Variants in PLCB1 observed in about 807,000 individuals in gnomAD.
PLCB1 encodes 1-phosphatidylinositol 4,5-bisphosphate phosphodiesterase beta-1.
PLCB1 carries 46 observed loss-of-function variants against 161.8 expected under a neutral mutation model. The observed-to-expected ratio is 0.28, with a 90% CI of 0.22 to 0.36. PLCB1 has a LOEUF of 0.36. Ranked by LOEUF, PLCB1 falls within the 10% of genes least tolerant of loss-of-function variation. The pLI, the probability that PLCB1 is intolerant of heterozygous loss-of-function variation, is 1.00. For synonymous variants in PLCB1, 517 were observed against 503.7 expected, an observed-to-expected ratio of 1.03 and a Z score of -0.35; for missense variants, 1,016 against 1,472.5, an observed-to-expected ratio of 0.69 and a Z score of 5.07.
At chr20:8,809,128 C>T (rs1300829191) in intron 31 of PLCB1, among the ~76,000 whole-genome samples, 2 of 151,996 alleles carry the variant, frequency 1.3e-5, no homozygotes, top group East Asian at 1.9e-4. Flanking sequence ...CAGCTTCCCA[C>T]GTAGCTGAGA....
At chr20:8,706,077 G>C (rs1166280114) in intron 11 of PLCB1, among the ~76,000 whole-genome samples, 1 of 152,198 alleles carries the variant, frequency 6.6e-6, no homozygotes, top group African/African-American at 2.4e-5. Context: ...CAACCACAAC[G>C]GTTTACTTCT....
chr20:8,411,762 T>G (rs1979053594), intron 3 of PLCB1, among the ~76,000 whole-genome samples: 1 of 152,108 alleles, frequency 6.6e-6, no homozygotes. Flanking sequence ...GGTGGCTCAC[T>G]CCTGAAGTCC....
chr20:8,200,955 C>T (rs1169109751), intron 2 of PLCB1, among the ~76,000 whole-genome samples: 1 of 151,930 alleles, frequency 6.6e-6, no homozygotes, highest in African/African-American at 2.4e-5. Context: ...TATACATAGG[C>T]TAAGTTTTGT....
At chr20:8,736,000 C>T (rs757265085) in intron 19 of PLCB1, among the ~76,000 whole-genome samples, 1 of 152,166 alleles carries the variant, frequency 6.6e-6, no homozygotes, top group Non-Finnish European at 1.5e-5. Context: ...TCTGGCCCAG[C>T]CATAATTCTG....
intron 2 of PLCB1, among the ~76,000 whole-genome samples, chr20:8,357,533 T>G (rs890666780): frequency 2.0e-5 from 3 of 152,088 alleles, no homozygotes; most frequent in African/African-American, 7.2e-5. Flanking sequence ...ATAAGAATGT[T>G]GGCTGGGTGT....
intron 3 of PLCB1, among the ~76,000 whole-genome samples, chr20:8,477,827 A>G (rs1005315360): frequency 1.3e-5 from 2 of 152,228 alleles, no homozygotes; most frequent in African/African-American, 4.8e-5. Context: ...CCCATAATCC[A>G]AGCAGCTCCC....
intron 3 of PLCB1, among the ~76,000 whole-genome samples, chr20:8,585,420 C>T (rs1417495474): frequency 6.6e-6 from 1 of 152,158 alleles, no homozygotes; most frequent in South Asian, 2.1e-4. Context: ...TCTTGAATAG[C>T]TTCTAGAAGA....
rs896514396 is a variant in PLCB1, at chr20:8,717,752, T to C, written c.1417T>C (p.Ser473Pro). ...GAAAAATAAGAAGAAATCACACAAG[T>C]CATCAGAAGGAAGCGGCAAAAAGAA... is the stretch of plus-strand genomic sequence containing the variant. ...LVKNKKKSHK[S>P]SEGSGKKKLS... Residue 473 changes from serine (S) to proline (P), a missense_variant, in exon 14 of 32, where the codon TCA becomes CCA. Ser to Pro is a moderately conservative substitution (Grantham distance 74, BLOSUM62 -1). Transcript: ENST00000338037. 1.2e-6 allele frequency: 2 copies of C among 1,613,706 alleles called. No individual in the cohort carries two copies. Among genetic ancestry groups the C allele is most frequent in the Non-Finnish European group, 8.5e-7 (1 of 1,179,762 alleles).
intron 3 of PLCB1, among the ~76,000 whole-genome samples, chr20:8,447,538 G>A (rs1980888767): frequency 6.6e-6 from 1 of 152,138 alleles, no homozygotes; most frequent in Non-Finnish European, 1.5e-5. Flanking sequence ...TTCAGTTTAT[G>A]GACAAACATA....
intron 2 of PLCB1, among the ~76,000 whole-genome samples, chr20:8,200,494 C>A (rs2052081310): frequency 6.6e-6 from 1 of 151,876 alleles, no homozygotes; most frequent in Admixed American, 6.6e-5. Context: ...TATGTGCTTT[C>A]AAAATTTTAT....
chr20:8,373,330 C>T (rs1986964268), intron 3 of PLCB1, among the ~76,000 whole-genome samples: 1 of 152,038 alleles, frequency 6.6e-6, no homozygotes, highest in Non-Finnish European at 1.5e-5. Flanking sequence ...TAAACATTAC[C>T]TGTGTGGCTT....
At chr20:8,140,735 T>G (rs965105058) in intron 1 of PLCB1, among the ~76,000 whole-genome samples, 2 of 152,184 alleles carry the variant, frequency 1.3e-5, no homozygotes, top group Admixed American at 6.5e-5. Context: ...TCCTTTCCAG[T>G]CTACCATGAT....
At chr20:8,556,353 A>G (rs1985951898) in intron 3 of PLCB1, among the ~76,000 whole-genome samples, 2 of 152,188 alleles carry the variant, frequency 1.3e-5, no homozygotes, top group South Asian at 4.1e-4. Flanking sequence ...AAAACATAGA[A>G]AGGTAAATGA....
At chr20:8,367,946 T>C (rs1986769715) in intron 2 of PLCB1, among the ~76,000 whole-genome samples, 1 of 151,994 alleles carries the variant, frequency 6.6e-6, no homozygotes. Context: ...GCCAAATGAG[T>C]TCATGGACGG....
At chr20:8,849,624 C>T (rs745461313) in intron 31 of PLCB1, among the ~76,000 whole-genome samples, 1 of 151,134 alleles carries the variant, frequency 6.6e-6, no homozygotes, top group African/African-American at 2.4e-5. Context: ...TGCGTTGAGC[C>T]GAGATCATGC....
At chr20:8,211,311 A>G (rs773376883) in intron 2 of PLCB1, among the ~76,000 whole-genome samples, 3 of 152,140 alleles carry the variant, frequency 2.0e-5, no homozygotes, top group Non-Finnish European at 4.4e-5. Context: ...CAGACATCTC[A>G]GACTTATCAG....
intron 2 of PLCB1, among the ~76,000 whole-genome samples, chr20:8,260,739 T>C (rs760485221): frequency 6.6e-6 from 1 of 152,120 alleles, no homozygotes; most frequent in Admixed American, 6.6e-5. Flanking sequence ...GAAAGAGCTC[T>C]TGTGGGAGCG....
At chr20:8,432,207 A>G (rs1362351857) in intron 3 of PLCB1, among the ~76,000 whole-genome samples, 2 of 152,282 alleles carry the variant, frequency 1.3e-5, no homozygotes, top group African/African-American at 4.8e-5. Context: ...GACGCTCCGC[A>G]AGGCCAGAAT....
chr20:8,343,017 GCT>G (rs1443946407), intron 2 of PLCB1, among the ~76,000 whole-genome samples: 1 of 152,184 alleles, frequency 6.6e-6, no homozygotes, highest in East Asian at 1.9e-4. Flanking sequence ...TGAGGGAGAA[GCT>G]GTTCACTAAT....
Sources: gnomAD v4.1 joint callset for allele counts (sites outside exome capture counted in the v4.1 genomes callset) on GRCh38, gnomAD v4.1.1 for gene constraint, MANE v1.5 for transcripts, NCBI Gene and HGNC (gene_info 2026-07-23, HGNC 2026-07-21) for gene names.